The following SECISBP2L variants were observed in gnomAD, a reference collection of about 807,000 sequenced individuals.
SECISBP2L encodes selenocysteine insertion sequence-binding protein 2-like.
A neutral mutation model predicts 114.7 loss-of-function variants in SECISBP2L; 43 were observed. That is an observed-to-expected ratio of 0.38 (90% confidence interval 0.29 to 0.48). The LOEUF is 0.48. Among genes scored for constraint, SECISBP2L ranks in the 20% least tolerant of loss-of-function variants. SECISBP2L has a pLI of 0.98. For synonymous variants in SECISBP2L, 451 were observed against 439.7 expected (o/e 1.03, Z -0.32); for missense variants, 1,136 against 1,301.1 (o/e 0.87, Z 1.95).
chr15:49,005,407 T>C (rs192133993), intron 14 of SECISBP2L, among the ~76,000 whole-genome samples: 2 of 152,300 alleles, frequency 1.3e-5, no homozygotes, highest in East Asian at 3.9e-4. Flanking sequence ...TTTATGAATC[T>C]GGGTGCTCTT....
At chr15:49,036,912 T>C (rs1903020756) in intron 2 of SECISBP2L, among the ~76,000 whole-genome samples, 1 of 152,166 alleles carries the variant, frequency 6.6e-6, no homozygotes, top group African/African-American at 2.4e-5. Flanking sequence ...TTTACAGTCC[T>C]AGAAAAACGA....
At chr15:49,023,828 T>G (rs756920241) in intron 7 of SECISBP2L, among the ~76,000 whole-genome samples, 12 of 152,198 alleles carry the variant, frequency 7.9e-5, no homozygotes, top group Non-Finnish European at 1.8e-4. Context: ...ATAAGATATA[T>G]ACTTCTATTT....
At chr15:49,026,249 T>C (rs183159335) in intron 7 of SECISBP2L, among the ~76,000 whole-genome samples, 1 of 152,164 alleles carries the variant, frequency 6.6e-6, no homozygotes, top group East Asian at 1.9e-4. Context: ...TAGGGAAAGG[T>C]TGGTCAACAA....
At chr15:49,014,872 G>T (rs977954055) in intron 11 of SECISBP2L, among the ~76,000 whole-genome samples, 1 of 148,960 alleles carries the variant, frequency 6.7e-6, no homozygotes, top group Non-Finnish European at 1.5e-5. Context: ...AGTATATACT[G>T]TATATATAAT....
intron 12 of SECISBP2L, 23 bp from the exon 13 acceptor site, chr15:49,011,886 T>G: frequency 6.2e-7 from 1 of 1,610,852 alleles, no homozygotes; most frequent in South Asian, 1.1e-5. Flanking sequence ...ACACTAGTCT[T>G]TAATTACAGA....
rs1318429896 is a variant in SECISBP2L, at chr15:48,991,567, T to C, written c.*677A>G. 6.6e-6 allele frequency: 1 copy of C among 152,650 alleles called. No individual in the cohort carries two copies. Among genetic ancestry groups the C allele is most frequent in the Non-Finnish European group, 1.5e-5 (1 of 68,054 alleles). The allele number at this position is 152,650 out of a possible 1,614,324, so 9.5% of individuals were successfully genotyped here. A position where few individuals can be genotyped will look rare whatever the true frequency, so the allele number is the denominator to read the frequency against. ...CTGGAGGTCCTATCATGGGTGACTG[T>C]TCACTATTATAGACAGCATCTATCA... On this transcript the variant is annotated 3_prime_UTR_variant, in exon 18 of 18. Transcript: ENST00000559471.
intron 1 of SECISBP2L, among the ~76,000 whole-genome samples, chr15:49,041,558 C>A (rs980749138): frequency 6.6e-6 from 1 of 152,178 alleles, no homozygotes; most frequent in Admixed American, 6.5e-5. Context: ...TACCACAAAG[C>A]ACACGTCGGC....
chr15:49,028,514 T>C lies in SECISBP2L; in HGVS notation c.833A>G (p.Lys278Arg). 6.2e-7 allele frequency: 1 copy of C among 1,614,144 alleles called. No individual in the cohort carries two copies. ...TGCTGCAGGCTGGTTGTTGCTGTGTTTGGGACTGCAGTAACCACTATCACT... is the reference window on the plus strand; with the variant it reads ...TGCTGCAGGCTGGTTGTTGCTGTGTCTGGGACTGCAGTAACCACTATCACT... ...IDSDSGYCSP[K>R]HSNNQPAAGA... Residue 278 changes from lysine to arginine, a missense_variant, in exon 5 of 18, where the codon AAA becomes AGA. Physicochemically the swap from Lys to Arg is conservative, Grantham distance 26. Coordinates refer to ENST00000559471, the MANE Select transcript of SECISBP2L (RefSeq NM_001193489.2).
intron 14 of SECISBP2L, among the ~76,000 whole-genome samples, chr15:49,001,345 T>C (rs1338787787): frequency 6.6e-6 from 1 of 152,226 alleles, no homozygotes; most frequent in Non-Finnish European, 1.5e-5. Flanking sequence ...TGCTTGCTTT[T>C]ATTATGATAC....
chr15:49,044,229 A>C (rs537426810), intron 1 of SECISBP2L, among the ~76,000 whole-genome samples: 25 of 152,320 alleles, frequency 1.6e-4, no homozygotes, highest in Non-Finnish European at 3.5e-4. Flanking sequence ...AATGACGTCA[A>C]TCTACCTAAA....
At position 49,011,839 on chromosome 15, in the gene SECISBP2L, T is replaced by C; in HGVS notation, c.1756A>G (p.Lys586Glu). The change falls in exon 13 of 18, where the codon AAG (lysine) becomes GAG (glutamate). Residue 586 changes from lysine (K) to glutamate (E), a missense_variant. Lys to Glu is a moderately conservative substitution (Grantham distance 56, BLOSUM62 1). Transcript: ENST00000559471. ...TGGTCCACAGTTAAGCGCCCCTTCT[T>C]TTCCTCTCTTTCTTTTAAAATAACC... ...KKVILKEREE[K>E]KGRLTVDHNL... 6.2e-7 allele frequency: 1 copy of C among 1,614,094 alleles called. No individual in the cohort carries two copies. Among genetic ancestry groups the C allele is most frequent in the East Asian group, 2.2e-5 (1 of 44,856 alleles).
chr15:48,997,935 C>T lies in SECISBP2L; in HGVS notation c.2404-1349G>A, dbSNP rs531784883. 4.6e-5 allele frequency among the ~76,000 whole-genome samples: 7 copies of T among 152,144 alleles called. No individual in the cohort carries two copies. The South Asian group carries it at 6.2e-4, about 14-fold the overall frequency. ...AGTTGCACTTCAATAACCATGATAC[C>T]GAATGATGTCCAAAGATTTAAGTTT... On this transcript the variant is annotated intron_variant, in intron 16 of 17. Coordinates refer to ENST00000559471, the MANE Select transcript of SECISBP2L (RefSeq NM_001193489.2).
chr15:48,993,973 T>G (rs1902039953), intron 17 of SECISBP2L, among the ~76,000 whole-genome samples: 1 of 152,164 alleles, frequency 6.6e-6, no homozygotes, highest in African/African-American at 2.4e-5. Flanking sequence ...TTCAATATGG[T>G]CACCATCTAT....
At chr15:49,043,611 T>TTTG (rs1667321496) in intron 1 of SECISBP2L, among the ~76,000 whole-genome samples, 3 of 148,884 alleles carry the variant, frequency 2.0e-5, no homozygotes, top group South Asian at 4.4e-4. Flanking sequence ...AATGCAAGTT[T>TTTG]TTTTTTTTTT....
chr15:49,013,362 T>C lies in SECISBP2L; in HGVS notation c.1562-545A>G, dbSNP rs113570328. ...CCCAAGCTGCAGTGCAGTGGCACGA[T>C]CTCGGCTCACTGAAACCTCCACCTC... On this transcript the variant is annotated intron_variant, in intron 11 of 17. Coordinates refer to ENST00000559471, the MANE Select transcript of SECISBP2L (RefSeq NM_001193489.2). Among the ~76,000 whole-genome samples, 1,137 of 152,286 alleles carry C rather than the reference T, an allele frequency of 7.5e-3. 32 individuals are homozygous for C. The South Asian group carries it at 0.075, about 10-fold the overall frequency.
Position 49,019,437 on chromosome 15 carries a change from G to A in SECISBP2L, c.1151C>T (p.Ser384Phe). The A allele has an allele frequency of 1.4e-6, 2 of 1,452,666 alleles. No homozygotes were observed. Among genetic ancestry groups the A allele is most frequent in the South Asian group, 1.4e-5 (1 of 69,620 alleles). The allele number at this position is 1,452,666 out of a possible 1,614,324, so 90.0% of individuals were successfully genotyped here. The change falls in exon 8 of 18, where the codon TCT becomes TTT. Residue 384 changes from serine to phenylalanine, a missense_variant. Ser to Phe is a radical substitution (Grantham distance 155, BLOSUM62 -2). Transcript: ENST00000559471. ...SSQSHRSDPN[S>F]ESLYFEDEDG... Reference sequence around the variant, plus strand: ...AAATACCTCAAAATATAAAGACTCAGAATTTGGATCGCTTCTATGGGATTG... The same window carrying A: ...AAATACCTCAAAATATAAAGACTCAAAATTTGGATCGCTTCTATGGGATTG...
intron 7 of SECISBP2L, 124 bp from the exon 8 acceptor site, chr15:49,019,676 C>T: frequency 5.5e-6 from 4 of 728,482 alleles, no homozygotes; most frequent in Non-Finnish European, 7.6e-6. Context: ...TCACCAAGTG[C>T]ATCACTTATT....
intron 14 of SECISBP2L, among the ~76,000 whole-genome samples, chr15:49,007,034 C>A (rs1418965238): frequency 2.6e-5 from 4 of 152,144 alleles, no homozygotes; most frequent in African/African-American, 9.7e-5. Context: ...TGCTAGTTTT[C>A]CTTCTAACAG....
intron 7 of SECISBP2L, among the ~76,000 whole-genome samples, chr15:49,023,320 A>T (rs187968786): frequency 1.3e-5 from 2 of 152,328 alleles, no homozygotes; most frequent in East Asian, 3.9e-4. Flanking sequence ...ACAGGAAAAG[A>T]AGTAAATACA....
Sources: allele counts gnomAD v4.1 joint callset (sites outside exome capture counted in the v4.1 genomes callset), GRCh38; gene constraint gnomAD v4.1.1; transcripts MANE v1.5; gene names NCBI Gene and HGNC (gene_info 2026-07-23, HGNC 2026-07-21).